The following MYLK variants were observed in gnomAD, a reference collection of about 807,000 sequenced individuals.
The protein encoded by MYLK is myosin light chain kinase.
Under a neutral mutation model 203.4 loss-of-function variants are expected in MYLK, and 106 were observed. That is an observed-to-expected ratio of 0.52 (90% CI 0.45 to 0.61). MYLK has a LOEUF of 0.61. Ranked by LOEUF, MYLK falls within the 20% of genes least tolerant of loss-of-function variation. The probability of loss-of-function intolerance (pLI) is 0.00; values close to 1 mark genes in which losing one functional copy is unlikely to be tolerated. For missense variants in MYLK, 2,072 were observed against 2,442.3 expected, an observed-to-expected ratio of 0.85 and a Z score of 3.20; for synonymous variants, 867 against 959.5, an observed-to-expected ratio of 0.90 and a Z score of 1.78.
intron 3 of MYLK, among the ~76,000 whole-genome samples, chr3:123,819,788 T>A (rs1466726252): frequency 6.4e-5 from 1 of 15,516 alleles, no homozygotes; most frequent in African/African-American, 1.2e-4. Context: ...CTAAGCCTCC[T>A]TTTTTTTTTT....
chr3:123,830,841 A>T (rs1167959931), intron 3 of MYLK, among the ~76,000 whole-genome samples: 1 of 152,156 alleles, frequency 6.6e-6, no homozygotes, highest in Non-Finnish European at 1.5e-5. Flanking sequence ...CTAAGCCCCA[A>T]ATTACACATA....
chr3:123,693,330 G>T (rs1054953335), intron 18 of MYLK, among the ~76,000 whole-genome samples: 19 of 152,232 alleles, frequency 1.2e-4, no homozygotes, highest in African/African-American at 4.3e-4. Flanking sequence ...GGAAAAGGGA[G>T]CTTTGAAGCT....
intron 20 of MYLK, among the ~76,000 whole-genome samples, chr3:123,679,776 A>T (rs997113591): frequency 3.9e-5 from 6 of 152,158 alleles, no homozygotes; most frequent in Non-Finnish European, 5.9e-5. Flanking sequence ...ACTGAGCTTC[A>T]TTCCCTGCTT....
rs148149282 is a variant in MYLK at position 123,784,160 on chromosome 3, C to T, written c.165+9517G>A. Among the ~76,000 whole-genome samples the T allele has an allele frequency of 4.6e-3, 703 of 152,260 alleles. 4 individuals carry two copies. Among genetic ancestry groups the T allele is most frequent in the Non-Finnish European group, 7.9e-3 (538 of 68,016 alleles). On this transcript the variant is annotated intron_variant, in intron 4 of 33. Coordinates refer to ENST00000360304, the MANE Select transcript of MYLK (RefSeq NM_053025.4). ...TGCCTTGGAATGGTGGGGACTATAA[C>T]GACCTGGAAACTAATGTCAGACACA...
chr3:123,700,583 G>A lies in MYLK; in HGVS notation c.2885C>T (p.Thr962Ile), dbSNP rs201266960. ...DFRSVLAKKG[T>I]SKTPVPEKVP... Reference sequence around the variant, plus strand: ...CTTCTCAGGCACGGGGGTCTTGGAAGTCCCCTTCTTGGCCAGGACAGAGCG... The same window carrying A: ...CTTCTCAGGCACGGGGGTCTTGGAAATCCCCTTCTTGGCCAGGACAGAGCG... The change falls in exon 18 of 34, where the codon ACT becomes ATT. Residue 962 changes from threonine (T) to isoleucine (I), a missense_variant. Transcript: ENST00000360304. 1.9e-6 allele frequency: 3 copies of A among 1,613,724 alleles called. No homozygotes were observed. Among genetic ancestry groups the A allele is most frequent in the Non-Finnish European group, 2.5e-6 (3 of 1,179,946 alleles).
chr3:123,847,603 A>G (rs530439370), intron 2 of MYLK, among the ~76,000 whole-genome samples: 1 of 152,078 alleles, frequency 6.6e-6, no homozygotes, highest in Non-Finnish European at 1.5e-5. Flanking sequence ...TAGTTTTCTG[A>G]GAAGTTTGCC....
At chr3:123,658,576 G>T (rs2059464199) in intron 23 of MYLK, among the ~76,000 whole-genome samples, 1 of 152,168 alleles carries the variant, frequency 6.6e-6, no homozygotes, top group Non-Finnish European at 1.5e-5. Context: ...TTGAAACCAT[G>T]CTTTTAAGCT....
intron 27 of MYLK, among the ~76,000 whole-genome samples, chr3:123,645,809 T>C (rs2058998196): frequency 6.6e-6 from 1 of 152,186 alleles, no homozygotes; most frequent in Non-Finnish European, 1.5e-5. Flanking sequence ...GGAAGCTCAC[T>C]AGGTAGTGAG....
At chr3:123,727,848 T>C (rs879333045) in intron 11 of MYLK, among the ~76,000 whole-genome samples, 2 of 152,046 alleles carry the variant, frequency 1.3e-5, no homozygotes, top group Non-Finnish European at 2.9e-5. Flanking sequence ...CAGATCCTTG[T>C]GAAGATGGGA....
chr3:123,745,187 T>G (rs1473715881), intron 5 of MYLK, among the ~76,000 whole-genome samples: 1 of 152,154 alleles, frequency 6.6e-6, no homozygotes, highest in Admixed American at 6.5e-5. Context: ...GTGGTGTCTG[T>G]TCTGGTAGGA....
At chr3:123,860,555 T>C (rs997183438) in intron 2 of MYLK, among the ~76,000 whole-genome samples, 2 of 151,970 alleles carry the variant, frequency 1.3e-5, no homozygotes, top group African/African-American at 4.8e-5. Flanking sequence ...CTTCAGGAGG[T>C]TGAATAGGAT....
chr3:123,816,481 A>G (rs1291966296), intron 3 of MYLK, among the ~76,000 whole-genome samples: 1 of 152,228 alleles, frequency 6.6e-6, no homozygotes, highest in Non-Finnish European at 1.5e-5. Flanking sequence ...TGCTAAATGA[A>G]CCAGCTATTA....
intron 5 of MYLK, among the ~76,000 whole-genome samples, chr3:123,745,003 T>A (rs1477164462): frequency 6.6e-6 from 1 of 152,216 alleles, no homozygotes; most frequent in Non-Finnish European, 1.5e-5. Context: ...TATATATAGA[T>A]AGAAATGTTA....
chr3:123,630,466 G>A (rs1356345249), intron 29 of MYLK: 2 of 152,228 alleles, frequency 1.3e-5, no homozygotes, highest in Non-Finnish European at 2.9e-5. Context: ...GCCCTATGAT[G>A]CAAGTAATTC....
intron 5 of MYLK, among the ~76,000 whole-genome samples, chr3:123,742,424 G>T (rs1233415903): frequency 1.3e-5 from 2 of 152,060 alleles, no homozygotes; most frequent in Non-Finnish European, 2.9e-5. Flanking sequence ...GATTATTTTG[G>T]GGGTTGTGGT....
chr3:123,809,689 C>A (rs1376567132), intron 3 of MYLK, among the ~76,000 whole-genome samples: 2 of 152,192 alleles, frequency 1.3e-5, no homozygotes, highest in Non-Finnish European at 2.9e-5. Flanking sequence ...CACCAGTAAG[C>A]AGGATGGAGC....
In MYLK at chr3:123,617,410, C is replaced by T. The variant is rs188634460; in HGVS notation, c.5500+1229G>A. On this transcript the variant is annotated intron_variant, in intron 33 of 33. Coordinates refer to ENST00000360304, the MANE Select transcript of MYLK (RefSeq NM_053025.4). ...AGAATCCCCAGTCCGAGAATTTTCA[C>T]ATTATCAAAGGCAGCACATCCACTT... 26 of 152,326 alleles carry T rather than the reference C, an allele frequency of 1.7e-4. No individual in the cohort carries two copies. In the East Asian group the frequency reaches 4.6e-3, roughly 27 times the overall value. 9.4% of individuals were successfully genotyped at this position (152,326 alleles called of 1,614,324 possible). A position where few individuals can be genotyped will look rare whatever the true frequency, so the allele number is the denominator to read the frequency against.
intron 2 of MYLK, among the ~76,000 whole-genome samples, chr3:123,861,526 C>T (rs745348996): frequency 1.1e-4 from 16 of 152,232 alleles, no homozygotes; most frequent in Non-Finnish European, 2.2e-4. Flanking sequence ...CTGGAGTAGA[C>T]GCCAGAGGGC....
intron 3 of MYLK, among the ~76,000 whole-genome samples, chr3:123,794,616 C>G (rs1381985761): frequency 2.0e-5 from 3 of 152,144 alleles, no homozygotes; most frequent in Non-Finnish European, 4.4e-5. Flanking sequence ...AGCCCTGACT[C>G]CTGGTCCAGG....
Sources: allele counts gnomAD v4.1 joint callset (sites outside exome capture counted in the v4.1 genomes callset), GRCh38; gene constraint gnomAD v4.1.1; transcripts MANE v1.5; gene names NCBI Gene and HGNC (gene_info 2026-07-23, HGNC 2026-07-21).